The following OR8B3 variants were observed in gnomAD, a reference collection of about 807,000 sequenced individuals.
The protein encoded by OR8B3 is olfactory receptor 8B3.
For synonymous variants in OR8B3, 102 were observed against 135.4 expected (o/e 0.75, Z 1.71); for missense variants, 278 against 377.6 (o/e 0.74, Z 2.19).
rs1211231100 is a variant in OR8B3, at chr11:124,396,203, G to C, written c.*207C>G. The C allele has an allele frequency of 1.9e-6, 1 of 528,528 alleles. No individual in the cohort carries two copies. The highest frequency in any genetic ancestry group is 3.3e-6 in the Non-Finnish European group (1 of 302,656). 32.7% of individuals were successfully genotyped at this position (528,528 alleles called of 1,614,324 possible). Reference sequence around the variant, plus strand: ...TCAGTGCATATGTTCCTTTTACAAAGATGCCATGACCTATTTAGTAAAATT... The same window carrying C: ...TCAGTGCATATGTTCCTTTTACAAACATGCCATGACCTATTTAGTAAAATT... On this transcript the variant is annotated 3_prime_UTR_variant, in exon 2 of 2. Transcript: ENST00000641139.
Position 124,396,984 on chromosome 11 carries a change from T to G in OR8B3, c.368A>C (p.Tyr123Ser). Residue 123 changes from tyrosine to serine, a missense_variant, in exon 2 of 2, where the codon TAT becomes TCT. Transcript: ENST00000641139. ...YMLTSMAYDRYVAICNPLLYK... is the reference protein window; with the variant it reads ...YMLTSMAYDRSVAICNPLLYK... ...CAGCAATGGATTACAGATGGCCACATAGCGATCATATGCCATTGAGGTCAA... is the reference window on the plus strand; with the variant it reads ...CAGCAATGGATTACAGATGGCCACAGAGCGATCATATGCCATTGAGGTCAA... The G allele has an allele frequency of 1.9e-6, 3 of 1,613,706 alleles. No individual in the cohort carries two copies. Among genetic ancestry groups the G allele is most frequent in the Non-Finnish European group, 2.5e-6 (3 of 1,179,808 alleles).
the OR8B3 span, among the ~76,000 whole-genome samples, chr11:124,405,859 T>TC: frequency 6.6e-6 from 1 of 152,220 alleles, no homozygotes; most frequent in East Asian, 1.9e-4. Flanking sequence ...ACATCCTGTG[T>TC]CATAGACCTA....
chr11:124,396,718 A>C lies in OR8B3; in HGVS notation c.634T>G (p.Cys212Gly). 6.2e-7 allele frequency: 1 copy of C among 1,613,952 alleles called. No homozygotes were observed. The highest frequency in any genetic ancestry group is 1.3e-5 in the African/African-American group (1 of 75,024). The change falls in exon 2 of 2, where the codon TGT becomes GGT. Residue 212 changes from cysteine (C) to glycine (G), a missense_variant. Coordinates refer to ENST00000641139, the MANE Select transcript of OR8B3 (RefSeq NM_001005467.2). ...AAAACATAAGAAATGAGGATGGTAC[A>C]ACTGGGTACCATGATATTAATACCC... ...VVGINIMVPS[C>G]TILISYVFIV...
upstream of OR8B3, among the ~76,000 whole-genome samples, chr11:124,399,504 G>A (rs1445096755): frequency 6.6e-5 from 10 of 152,020 alleles, no homozygotes; most frequent in Admixed American, 2.6e-4. Context: ...AATCAAATCC[G>A]TAAGAAAAAT....
the OR8B3 span, among the ~76,000 whole-genome samples, chr11:124,406,053 A>G: frequency 6.6e-6 from 1 of 152,228 alleles, no homozygotes; most frequent in Admixed American, 6.5e-5. Context: ...CTACTTTCCT[A>G]CATGCCTTTG....
Position 124,398,510 on chromosome 11 carries a change from A to T in OR8B3, c.-18+180T>A, listed in dbSNP as rs554458054. On this transcript the variant is annotated intron_variant, in intron 1 of 1. Transcript: ENST00000641139. ...CTCTGTTCTGGATGTGTCACTTGGA[A>T]CTGCTATTGCTATCTTGATACCAGG... 3.3e-5 allele frequency among the ~76,000 whole-genome samples: 5 copies of T among 152,328 alleles called. No homozygotes were observed. In the East Asian group the frequency reaches 9.6e-4, roughly 29 times the overall value.
chr11:124,401,868 G>A (rs993220546), upstream of OR8B3, among the ~76,000 whole-genome samples: 1 of 152,130 alleles, frequency 6.6e-6, no homozygotes, highest in African/African-American at 2.4e-5. Context: ...GTGCTTCTTG[G>A]GCACCCAAAA....
chr11:124,405,932 A>G, the OR8B3 span, among the ~76,000 whole-genome samples: 3 of 152,154 alleles, frequency 2.0e-5, no homozygotes, highest in South Asian at 2.1e-4. Context: ...GGGAAATCCA[A>G]TCTCCAATGC....
At chr11:124,399,356 A>C (rs577384741), upstream of OR8B3, among the ~76,000 whole-genome samples, 9 of 152,340 alleles carry the variant, frequency 5.9e-5, no homozygotes, top group South Asian at 1.0e-3. Flanking sequence ...CTTCATAGGC[A>C]TAAAGAAAAG....
the OR8B3 span, chr11:124,404,614 G>A: frequency 9.2e-5 from 14 of 152,202 alleles, no homozygotes; most frequent in South Asian, 2.9e-3. Flanking sequence ...GGAAATAATC[G>A]CTGTAATACA....
the OR8B3 span, among the ~76,000 whole-genome samples, chr11:124,406,744 G>A: frequency 1.3e-5 from 2 of 151,568 alleles, no homozygotes; most frequent in South Asian, 2.1e-4. Flanking sequence ...ATTTTCTAAT[G>A]TGGGTTCTTA....
At chr11:124,400,796 C>A (rs775046179), upstream of OR8B3, among the ~76,000 whole-genome samples, 2 of 151,716 alleles carry the variant, frequency 1.3e-5, no homozygotes, top group Non-Finnish European at 2.9e-5. Context: ...CCTTGGCCTC[C>A]CAAGGTGTAA....
chr11:124,402,155 A>T (rs554370507), upstream of OR8B3, among the ~76,000 whole-genome samples: 7 of 152,346 alleles, frequency 4.6e-5, no homozygotes, highest in African/African-American at 1.7e-4. Context: ...ACATGAATAA[A>T]ACTTTCTTCC....
At chr11:124,402,873 G>A (rs566271762), upstream of OR8B3, among the ~76,000 whole-genome samples, 16 of 149,690 alleles carry the variant, frequency 1.1e-4, no homozygotes, top group Admixed American at 3.3e-4. Flanking sequence ...GGTGTTTCTC[G>A]CAGATGGGGA....
chr11:124,400,357 C>T (rs1267139902), upstream of OR8B3, among the ~76,000 whole-genome samples: 1 of 152,116 alleles, frequency 6.6e-6, no homozygotes, highest in East Asian at 1.9e-4. Context: ...AATCTACTCT[C>T]TTAGCAATTT....
the OR8B3 span, chr11:124,404,640 G>A: frequency 6.6e-6 from 1 of 152,182 alleles, no homozygotes; most frequent in African/African-American, 2.4e-5. Context: ...ATGATTAAAT[G>A]TTTCTTTGTA....
At chr11:124,403,377 G>C (rs1169407244), upstream of OR8B3, among the ~76,000 whole-genome samples, 2 of 151,690 alleles carry the variant, frequency 1.3e-5, no homozygotes, top group Non-Finnish European at 2.9e-5. Flanking sequence ...CCGGGCGGAG[G>C]GGCTCCTCAC....
At chr11:124,401,431 C>A (rs750360740), upstream of OR8B3, among the ~76,000 whole-genome samples, 20 of 152,252 alleles carry the variant, frequency 1.3e-4, no homozygotes, top group Admixed American at 4.6e-4. Context: ...CAAAACACAG[C>A]AATCATCATC....
upstream of OR8B3, among the ~76,000 whole-genome samples, chr11:124,402,495 T>G (rs1240953177): frequency 6.6e-6 from 1 of 152,224 alleles, no homozygotes; most frequent in Non-Finnish European, 1.5e-5. Flanking sequence ...TTTTGCTGAC[T>G]TATCCTCCAC....
Sources: allele counts gnomAD v4.1 joint callset (sites outside exome capture counted in the v4.1 genomes callset), GRCh38; gene constraint gnomAD v4.1.1; transcripts MANE v1.5; gene names NCBI Gene and HGNC (gene_info 2026-07-23, HGNC 2026-07-21).